Variants in THRB observed in about 807,000 individuals in gnomAD.
THRB encodes thyroid hormone receptor beta, also known as nuclear receptor subfamily 1 group A member 2.
A neutral mutation model predicts 47.8 loss-of-function variants in THRB; 12 were observed. The observed-to-expected ratio is 0.25, with a 90% confidence interval of 0.16 to 0.41. The LOEUF (loss-of-function observed/expected upper bound fraction) is 0.41, where lower values mean the gene tolerates loss of function less well. THRB is among the 10% of genes least tolerant of loss of function. The pLI is 1.00. For missense variants in THRB, 348 were observed against 589.2 expected (o/e 0.59, Z 4.24); for synonymous variants, 218 against 212.2 (o/e 1.03, Z -0.24).
In THRB at chr3:24,452,241, C is replaced by G. The variant is rs535201546; in HGVS notation, c.-261+42411G>C. ...TTTTACCATGGGTATTTGTGCATTA[C>G]TTTTGATTTTTAAAAGTAGTGCATT... is the stretch of plus-strand genomic sequence containing the variant. On this transcript the variant is annotated intron_variant, in intron 1 of 10. Transcript: ENST00000646209. Among the ~76,000 whole-genome samples the G allele has an allele frequency of 5.3e-5, 8 of 152,146 alleles. No individual in the cohort carries two copies. In the South Asian group the frequency reaches 1.5e-3, roughly 28 times the overall value.
rs550118519 is a variant in THRB at position 24,401,855 on chromosome 3, A to G, written c.-260-64484T>C. Among the ~76,000 whole-genome samples the G allele has an allele frequency of 2.6e-5, 4 of 152,148 alleles. No homozygotes were observed. In the South Asian group the frequency reaches 8.3e-4, roughly 32 times the overall value. On this transcript the variant is annotated intron_variant, in intron 1 of 10. Coordinates refer to ENST00000646209, the MANE Select transcript of THRB (RefSeq NM_001354712.2). ...GTAGGGGGATAAATATGTGTTTAAA[A>G]AAGCTCACCCAAAGATTCTGATGCA...
intron 7 of THRB, 100 bp downstream of exon 7, chr3:24,146,575 C>A: frequency 7.9e-7 from 1 of 1,269,412 alleles, no homozygotes; most frequent in Non-Finnish European, 1.1e-6. Flanking sequence ...TCTCTGTCTT[C>A]TTGGGTTCCT....
intron 3 of THRB, among the ~76,000 whole-genome samples, chr3:24,238,278 T>C (rs56927608): frequency 3.1e-3 from 94 of 29,946 alleles, no homozygotes; most frequent in African/African-American, 8.0e-3. Context: ...TGTGTGTGTG[T>C]GGGGGGGGGG....
chr3:24,292,676 C>T (rs898269711), intron 3 of THRB, among the ~76,000 whole-genome samples: 1 of 152,146 alleles, frequency 6.6e-6, no homozygotes, highest in African/African-American at 2.4e-5. Flanking sequence ...CTCAATAAAT[C>T]TTGTCGAGTA....
intron 1 of THRB, among the ~76,000 whole-genome samples, chr3:24,377,467 C>T (rs1042108246): frequency 3.9e-5 from 6 of 152,082 alleles, no homozygotes; most frequent in Non-Finnish European, 8.8e-5. Context: ...ATTATGTGTG[C>T]TACAGGAAGT....
chr3:24,165,893 A>G (rs1333980566), intron 5 of THRB, among the ~76,000 whole-genome samples: 1 of 152,234 alleles, frequency 6.6e-6, no homozygotes, highest in Non-Finnish European at 1.5e-5. Context: ...AGAAAATCCT[A>G]AAATCAATAA....
chr3:24,415,592 C>T (rs949290406), intron 1 of THRB, among the ~76,000 whole-genome samples: 1 of 151,572 alleles, frequency 6.6e-6, no homozygotes, highest in African/African-American at 2.4e-5. Context: ...TGTTACTGAA[C>T]AATTTTTTAA....
intron 1 of THRB, among the ~76,000 whole-genome samples, chr3:24,461,096 T>C (rs73825647): frequency 0.032 from 4,846 of 152,278 alleles, 275 homozygotes; most frequent in African/African-American, 0.11. Context: ...GGTTCTGCAA[T>C]CCCTAAAAGG....
intron 4 of THRB, among the ~76,000 whole-genome samples, chr3:24,205,737 T>C (rs1227378676): frequency 2.0e-5 from 3 of 152,184 alleles, no homozygotes; most frequent in African/African-American, 7.2e-5. Flanking sequence ...CCCATCAGTG[T>C]GCTGTATTCA....
chr3:24,145,097 C>T (rs376954696), intron 7 of THRB, among the ~76,000 whole-genome samples: 1 of 151,122 alleles, frequency 6.6e-6, no homozygotes, highest in Non-Finnish European at 1.5e-5. Flanking sequence ...GGTTCAGTTA[C>T]TAAAGGGAAA....
chr3:24,420,830 C>G (rs1238779098), intron 1 of THRB, among the ~76,000 whole-genome samples: 1 of 151,914 alleles, frequency 6.6e-6, no homozygotes, highest in Non-Finnish European at 1.5e-5. Context: ...CCACTCAACT[C>G]AGCAATTCTA....
At chr3:24,353,576 A>G (rs896786856) in intron 1 of THRB, among the ~76,000 whole-genome samples, 1 of 152,148 alleles carries the variant, frequency 6.6e-6, no homozygotes, top group African/African-American at 2.4e-5. Flanking sequence ...TGTGCAGGTC[A>G]GTGTGGATAT....
chr3:24,351,614 A>G (rs2063359238), intron 1 of THRB, among the ~76,000 whole-genome samples: 2 of 152,112 alleles, frequency 1.3e-5, no homozygotes, highest in Admixed American at 1.3e-4. Context: ...TAGTGTATGC[A>G]TCTTTAGAAA....
intron 1 of THRB, 96 bp downstream of exon 1, chr3:24,494,556 C>G (rs13072010): frequency 6.6e-6 from 1 of 152,324 alleles, no homozygotes; most frequent in African/African-American, 2.4e-5. Flanking sequence ...GCGCGCTCGG[C>G]TTAGCCGCCC....
rs780498194 is a variant in THRB, at chr3:24,190,174, G to T, written c.183C>A (p.Thr61=). 9.3e-6 allele frequency: 15 copies of T among 1,613,982 alleles called. No individual in the cohort carries two copies. The highest frequency in any genetic ancestry group is 1.3e-5 in the African/African-American group (1 of 74,906). ...GATGGAATATTGAGCTAGTCCAAGT[G>T]GTCTGGATGAGATGTGGCGACGACT... is the stretch of plus-strand genomic sequence containing the variant. ...NEQSSPHLIQ[T]TWTSSIFHLD... is the part of the protein sequence containing the mutation. The change falls in exon 5 of 11, where the codon ACC becomes ACA. Residue 61 remains threonine, a synonymous_variant. Coordinates refer to ENST00000646209, the MANE Select transcript of THRB (RefSeq NM_001354712.2).
chr3:24,446,538 T>C (rs535016962), intron 1 of THRB, among the ~76,000 whole-genome samples: 82 of 146,056 alleles, frequency 5.6e-4, no homozygotes, highest in South Asian at 1.1e-3. Flanking sequence ...CCATACACTA[T>C]CTACATTGGA....
At chr3:24,395,295 T>G (rs2066875489) in intron 1 of THRB, among the ~76,000 whole-genome samples, 1 of 152,098 alleles carries the variant, frequency 6.6e-6, no homozygotes, top group South Asian at 2.1e-4. Flanking sequence ...AAAACTTTTG[T>G]GCTTCAGTGA....
At chr3:24,447,402 A>G (rs1373629992) in intron 1 of THRB, among the ~76,000 whole-genome samples, 1 of 152,210 alleles carries the variant, frequency 6.6e-6, no homozygotes, top group Non-Finnish European at 1.5e-5. Context: ...GTGAACCTGC[A>G]GTGAACCTAG....
intron 3 of THRB, among the ~76,000 whole-genome samples, chr3:24,238,485 C>CA (rs1204371763): frequency 4.6e-5 from 7 of 151,942 alleles, no homozygotes; most frequent in African/African-American, 9.7e-5. Flanking sequence ...AAGACTGCAG[C>CA]AAATGATTTA....
Sources: gnomAD v4.1 joint callset for allele counts (sites outside exome capture counted in the v4.1 genomes callset) on GRCh38, gnomAD v4.1.1 for gene constraint, MANE v1.5 for transcripts, NCBI Gene and HGNC (gene_info 2026-07-23, HGNC 2026-07-21) for gene names.